The following BRIP1 variants were observed in gnomAD, a reference collection of about 807,000 sequenced individuals.
BRIP1 encodes the protein Fanconi anemia group J protein.
Under a neutral mutation model 119.7 loss-of-function variants are expected in BRIP1, and 88 were observed. The ratio of observed to expected loss-of-function variants is 0.74; its 90% CI spans 0.62 to 0.88. BRIP1 has a LOEUF of 0.88. BRIP1 is among the 40% of genes least tolerant of loss of function. The probability of loss-of-function intolerance (pLI) is 0.00; values close to 1 mark genes in which losing one functional copy is unlikely to be tolerated. For missense variants in BRIP1, 1,259 were observed against 1,455.4 expected (o/e 0.87, Z 2.20); for synonymous variants, 443 against 496.5 (o/e 0.89, Z 1.43).
At chr17:61,817,546 C>T (rs1223685202) in intron 6 of BRIP1, among the ~76,000 whole-genome samples, 1 of 152,118 alleles carries the variant, frequency 6.6e-6, no homozygotes, top group Non-Finnish European at 1.5e-5. Flanking sequence ...TTATTACATA[C>T]AAGTCTCTAA....
In BRIP1 at chr17:61,684,536, A is replaced by G. The variant is rs1171753608; in HGVS notation, c.2906-396T>C. ...CTAGACTAATTCTTTTATTTAATAA[A>G]TAAGGAAAGTGACATAAGGCTAAGT... On this transcript the variant is annotated intron_variant, in intron 19 of 19. Transcript: ENST00000259008. The surrounding 1 kb of genome is among the most constrained non-coding windows in gnomAD (Gnocchi z 4.5). 6.6e-6 allele frequency among the ~76,000 whole-genome samples: 1 copy of G among 152,202 alleles called. No homozygotes were observed. The highest frequency in any genetic ancestry group is 2.4e-5 in the African/African-American group (1 of 41,450).
In BRIP1 at chr17:61,842,171, T is replaced by C. The variant is rs982092071; in HGVS notation, c.627+4930A>G. Among the ~76,000 whole-genome samples, 1 of 152,038 alleles carries C rather than the reference T, an allele frequency of 6.6e-6. No individual in the cohort carries two copies. Among genetic ancestry groups the C allele is most frequent in the Non-Finnish European group, 1.5e-5 (1 of 68,034 alleles). On this transcript the variant is annotated intron_variant, in intron 6 of 19. Coordinates refer to ENST00000259008, the MANE Select transcript of BRIP1 (RefSeq NM_032043.3). This position sits in a 1 kb window ranked among gnomAD's most constrained non-coding sequence, Gnocchi z 5.1. ...TAAGCCTGGAAGATATTAAGTGAAA[T>C]AAGTCAGGCATAGGCAGGTAAGTAC...
In BRIP1 at chr17:61,805,160, A is replaced by T. The variant is rs2078056745; in HGVS notation, c.918+3307T>A. On this transcript the variant is annotated intron_variant, in intron 7 of 19. Coordinates refer to ENST00000259008, the MANE Select transcript of BRIP1 (RefSeq NM_032043.3). The surrounding 1 kb of genome is among the most constrained non-coding windows in gnomAD (Gnocchi z 5.6). ...TCAAAACATACATACATCAATACAT[A>T]CACAAATGTATCTAGATATTGCTAG... 6.6e-6 allele frequency among the ~76,000 whole-genome samples: 1 copy of T among 152,204 alleles called. No individual in the cohort carries two copies. The highest frequency in any genetic ancestry group is 6.6e-5 in the Admixed American group (1 of 15,266).
intron 6 of BRIP1, among the ~76,000 whole-genome samples, chr17:61,821,125 CTGAT>C (rs762192538): frequency 1.3e-5 from 2 of 152,188 alleles, no homozygotes; most frequent in East Asian, 3.9e-4. Flanking sequence ...TGTGACCAGT[CTGAT>C]TGGTTGTGGG....
chr17:61,828,746 G>C lies in BRIP1; in HGVS notation c.627+18355C>G, dbSNP rs868850350. On this transcript the variant is annotated intron_variant, in intron 6 of 19. Coordinates refer to ENST00000259008, the MANE Select transcript of BRIP1 (RefSeq NM_032043.3). This position sits in a 1 kb window ranked among gnomAD's most constrained non-coding sequence, Gnocchi z 4.1. Reference sequence around the variant, plus strand: ...AATTATTTTCCTCATTTGTAAATTTGTACATAGCTGATGATTTAAACTAAA... The same window carrying C: ...AATTATTTTCCTCATTTGTAAATTTCTACATAGCTGATGATTTAAACTAAA... 2.0e-5 allele frequency among the ~76,000 whole-genome samples: 3 copies of C among 152,284 alleles called. No homozygotes were observed. Among genetic ancestry groups the C allele is most frequent in the Middle Eastern group, 6.8e-3 (2 of 294 alleles).
chr17:61,768,383 G>A lies in BRIP1; in HGVS notation c.2097+8018C>T, dbSNP rs1037574056. Among the ~76,000 whole-genome samples the A allele has an allele frequency of 1.1e-4, 16 of 152,034 alleles. No individual in the cohort carries two copies. The highest frequency in any genetic ancestry group is 3.4e-4 in the African/African-American group (14 of 41,458). ...ATGGAATTAGGCTGTATTGCTCTACGGGAAATCACAGGAATTTTAGTTTGC... is the reference window on the plus strand; with the variant it reads ...ATGGAATTAGGCTGTATTGCTCTACAGGAAATCACAGGAATTTTAGTTTGC... On this transcript the variant is annotated intron_variant, in intron 14 of 19. Coordinates refer to ENST00000259008, the MANE Select transcript of BRIP1 (RefSeq NM_032043.3). The surrounding 1 kb of genome is among the most constrained non-coding windows in gnomAD (Gnocchi z 5.0).
intron 11 of BRIP1, among the ~76,000 whole-genome samples, chr17:61,783,456 TTCTGGAAATC>T (rs2077654265): frequency 1.3e-5 from 2 of 152,082 alleles, no homozygotes; most frequent in Admixed American, 6.5e-5. Flanking sequence ...AATAAAAAAT[TTCTGGAAATC>T]TCTGGAAATG....
Position 61,774,104 on chromosome 17 carries a change from A to G in BRIP1, c.2097+2297T>C, listed in dbSNP as rs958969902. ...TTACTGGGTATATACCCAAAGGATT[A>G]TAAATCATGCTACTATAAAGACACA... On this transcript the variant is annotated intron_variant, in intron 14 of 19. Coordinates refer to ENST00000259008, the MANE Select transcript of BRIP1 (RefSeq NM_032043.3). The surrounding 1 kb of genome is among the most constrained non-coding windows in gnomAD (Gnocchi z 5.8). Among the ~76,000 whole-genome samples, 3 of 152,238 alleles carry G rather than the reference A, an allele frequency of 2.0e-5. No individual in the cohort carries two copies. Among genetic ancestry groups the G allele is most frequent in the Admixed American group, 6.5e-5 (1 of 15,282 alleles).
chr17:61,743,331 A>C lies in BRIP1; in HGVS notation c.2258-197T>G, dbSNP rs1273012990. 6.6e-6 allele frequency among the ~76,000 whole-genome samples: 1 copy of C among 152,232 alleles called. No homozygotes were observed. Among genetic ancestry groups the C allele is most frequent in the Non-Finnish European group, 1.5e-5 (1 of 68,020 alleles). The stretch of plus-strand genomic sequence containing the variant: ...GGGGAACAAAATTACATTTATATGC[A>C]AAAGGGTAGCAAACCAATTTACAAA... On this transcript the variant is annotated intron_variant, in intron 15 of 19. Coordinates refer to ENST00000259008, the MANE Select transcript of BRIP1 (RefSeq NM_032043.3). This position sits in a 1 kb window ranked among gnomAD's most constrained non-coding sequence, Gnocchi z 4.3.
rs144749656 is a variant in BRIP1 at position 61,823,757 on chromosome 17, AAC to A, written c.628-15002_628-15001del. ...GCTCAATGACCCCAAGCACACAATA[AAC>A]ACACACACACACACACACACACACA... On this transcript the variant is annotated intron_variant, in intron 6 of 19. Transcript: ENST00000259008. This position sits in a 1 kb window ranked among gnomAD's most constrained non-coding sequence, Gnocchi z 4.8. Among the ~76,000 whole-genome samples the A allele has an allele frequency of 0.019, 2,562 of 131,560 alleles. 27 individuals are homozygous for A. Among genetic ancestry groups the A allele is most frequent in the African/African-American group, 0.027 (1,013 of 37,814 alleles). The allele number at this position is 131,560 out of a possible 152,430, so 86.3% of individuals were successfully genotyped here.
Position 61,683,380 on chromosome 17 carries a change from T to C in BRIP1, c.3666A>G (p.Glu1222=), listed in dbSNP as rs1170304369. The C allele has an allele frequency of 6.2e-7, 1 of 1,613,004 alleles. No individual in the cohort carries two copies. Among genetic ancestry groups the C allele is most frequent in the South Asian group, 1.1e-5 (1 of 90,812 alleles). ...TTTCTATTTCATGAGTTTTTCCCAG[T>C]TCCAGTTCATTTATCCAAGTTGTTT... ...NVKTTWINEL[E]LGKTHEIEIK... The change falls in exon 20 of 20, where the codon GAA becomes GAG. Residue 1222 remains glutamate, a synonymous_variant. Transcript: ENST00000259008. The surrounding 1 kb of genome is among the most constrained non-coding windows in gnomAD (Gnocchi z 4.7).
chr17:61,804,013 C>T lies in BRIP1; in HGVS notation c.919-2539G>A, dbSNP rs550693655. ...TAAGTGAGAAAAACATGTTGAATAA[C>T]GTGTATAGAATGATTAAATTCATGT... On this transcript the variant is annotated intron_variant, in intron 7 of 19. Transcript: ENST00000259008. The surrounding 1 kb of genome is among the most constrained non-coding windows in gnomAD (Gnocchi z 4.5). 1.2e-4 allele frequency among the ~76,000 whole-genome samples: 19 copies of T among 152,116 alleles called. No individual in the cohort carries two copies. The highest frequency in any genetic ancestry group is 3.4e-3 in the Middle Eastern group (1 of 294).
rs2077862936 is a variant in BRIP1, at chr17:61,794,075, C to A, written c.1341-346G>T. On this transcript the variant is annotated intron_variant, in intron 9 of 19. Coordinates refer to ENST00000259008, the MANE Select transcript of BRIP1 (RefSeq NM_032043.3). The surrounding 1 kb of genome is among the most constrained non-coding windows in gnomAD (Gnocchi z 4.3). The stretch of plus-strand genomic sequence containing the variant: ...AATATATATAAAAGGAAATGCAAAA[C>A]AACCTAATAAAGAAATTAAAGTGTT... Among the ~76,000 whole-genome samples, 2 of 151,998 alleles carry A rather than the reference C, an allele frequency of 1.3e-5. No homozygotes were observed. The highest frequency in any genetic ancestry group is 4.8e-5 in the African/African-American group (2 of 41,380).
Position 61,808,743 on chromosome 17 carries a change from A to C in BRIP1, c.642T>G (p.Cys214Trp), listed in dbSNP as rs2145423214. ...GTTTAGTAGAACAACAGCACCTAGAACAGTGGCCAGGGGGCTGTAAGAAAG... is the reference window on the plus strand; with the variant it reads ...GTTTAGTAGAACAACAGCACCTAGACCAGTGGCCAGGGGGCTGTAAGAAAG... ...SFSPQKPPGH[C>W]SRCCCSTKQG... The change falls in exon 7 of 20, where the codon TGT becomes TGG. Residue 214 changes from cysteine to tryptophan, a missense_variant. Cys to Trp is a radical substitution (Grantham distance 215, BLOSUM62 -2). Transcript: ENST00000259008. This position sits in a 1 kb window ranked among gnomAD's most constrained non-coding sequence, Gnocchi z 4.1. 6.2e-7 allele frequency: 1 copy of C among 1,613,168 alleles called. No individual in the cohort carries two copies. The highest frequency in any genetic ancestry group is 8.5e-7 in the Non-Finnish European group (1 of 1,179,914).
intron 10 of BRIP1, among the ~76,000 whole-genome samples, chr17:61,786,529 C>T (rs905206771): frequency 2.7e-5 from 4 of 149,366 alleles, no homozygotes; most frequent in African/African-American, 9.8e-5. Context: ...TGATGAATGT[C>T]TTAGCCAACT....
Position 61,793,758 on chromosome 17 carries a change from C to T in BRIP1, c.1341-29G>A, listed in dbSNP as rs2077857918. On this transcript the variant is annotated intron_variant, in intron 9 of 19. Transcript: ENST00000259008. The surrounding 1 kb of genome is among the most constrained non-coding windows in gnomAD (Gnocchi z 5.2). ...AAATAAAATAAAACAATTGTGTCAA[C>T]CAGTATCATCCTTACACACACTATT... 6.3e-7 allele frequency: 1 copy of T among 1,599,512 alleles called. No homozygotes were observed. The highest frequency in any genetic ancestry group is 1.3e-5 in the African/African-American group (1 of 74,826).
chr17:61,779,537 T>G (rs2077582261), intron 13 of BRIP1, among the ~76,000 whole-genome samples: 1 of 152,210 alleles, frequency 6.6e-6, no homozygotes, highest in Non-Finnish European at 1.5e-5. Context: ...GGAGAACCGC[T>G]GGAACCCAGG....
rs1011730969 is a variant in BRIP1, at chr17:61,767,936, C to T, written c.2097+8465G>A. The stretch of plus-strand genomic sequence containing the variant: ...CTTTAATACCCACTGAAATATCAAC[C>T]ACCTCCTCTAGGAAACTCCTCTGCT... On this transcript the variant is annotated intron_variant, in intron 14 of 19. Coordinates refer to ENST00000259008, the MANE Select transcript of BRIP1 (RefSeq NM_032043.3). The surrounding 1 kb of genome is among the most constrained non-coding windows in gnomAD (Gnocchi z 5.7). 1.1e-4 allele frequency among the ~76,000 whole-genome samples: 16 copies of T among 152,142 alleles called. No individual in the cohort carries two copies. The highest frequency in any genetic ancestry group is 3.6e-4 in the African/African-American group (15 of 41,424).
intron 14 of BRIP1, among the ~76,000 whole-genome samples, chr17:61,750,986 T>C (rs552519590): frequency 6.6e-5 from 10 of 152,206 alleles, no homozygotes; most frequent in Non-Finnish European, 1.3e-4. Context: ...CCTAAGTATA[T>C]AACCCCAAAT....
Sources: allele counts gnomAD v4.1 joint callset (sites outside exome capture counted in the v4.1 genomes callset), GRCh38; gene constraint gnomAD v4.1.1; non-coding constraint Gnocchi (gnomAD v3.1); transcripts MANE v1.5; gene names NCBI Gene and HGNC (gene_info 2026-07-23, HGNC 2026-07-21).